Variants in KCNQ2 observed in about 807,000 individuals in gnomAD.
The protein encoded by KCNQ2 is potassium voltage-gated channel subfamily Q member 2.
In KCNQ2, 14 loss-of-function variants were observed where a neutral mutation model predicts 84.8. The ratio of observed to expected loss-of-function variants is 0.17; its 90% CI spans 0.11 to 0.26. The LOEUF is 0.26. KCNQ2 is among the 10% of genes least tolerant of loss of function. The probability of loss-of-function intolerance (pLI) is 1.00; values close to 1 mark genes in which losing one functional copy is unlikely to be tolerated. For missense variants in KCNQ2, 788 were observed against 1,254.0 expected, an observed-to-expected ratio of 0.63 and a Z score of 5.61; for synonymous variants, 599 against 554.1, an observed-to-expected ratio of 1.08 and a Z score of -1.14.
Position 63,406,365 on chromosome 20 carries a change from CG to C in KCNQ2, c.*278del. 2.3e-6 allele frequency: 1 copy of C among 442,854 alleles called. No individual in the cohort carries two copies. Among genetic ancestry groups the C allele is most frequent in the Non-Finnish European group, 4.1e-6 (1 of 245,530 alleles). 27.4% of individuals were successfully genotyped at this position (442,854 alleles called of 1,614,324 possible). A position where few individuals can be genotyped will look rare whatever the true frequency, so the allele number is the denominator to read the frequency against. On this transcript the variant is annotated 3_prime_UTR_variant, in exon 17 of 17. Transcript: ENST00000359125. ...CCTCACACCGGGCTGATGTCGGCCG[CG>C]GCCCTGAGCAGAGTGGACAGGGCAG...
rs372432541 is a variant in KCNQ2, at chr20:63,400,704, C to T, written c.*5940G>A. The T allele has an allele frequency of 6.3e-5, 25 of 398,510 alleles. No homozygotes were observed. Among genetic ancestry groups the T allele is most frequent in the African/African-American group, 4.1e-4 (20 of 48,736 alleles). 24.7% of individuals were successfully genotyped at this position (398,510 alleles called of 1,614,324 possible). ...TGGCAGACTGCAATGGCGTGGGGCG[C>T]GGGCATGGCGGGCACACGTGGGCCG... On this transcript the variant is annotated 3_prime_UTR_variant, in exon 17 of 17. Transcript: ENST00000359125. This position sits in a 1 kb window ranked among gnomAD's most constrained non-coding sequence, Gnocchi z 8.7.
chr20:63,464,296 C>T (rs1040098463), intron 1 of KCNQ2, among the ~76,000 whole-genome samples: 7 of 152,110 alleles, frequency 4.6e-5, no homozygotes, highest in African/African-American at 1.4e-4. Context: ...GCTGGCCTCT[C>T]CACTCAAGCC....
At chr20:63,442,677 CCACCA>C in intron 4 of KCNQ2, 146 bp from the exon 5 acceptor site, 1 of 480,912 alleles carries the variant, frequency 2.1e-6, no homozygotes, top group Non-Finnish European at 3.6e-6. Context: ...ACCACCACCA[CCACCA>C]CCATCACCAT....
intron 10 of KCNQ2, 186 bp from the exon 11 acceptor site, chr20:63,424,392 C>A: frequency 1.5e-6 from 1 of 649,298 alleles, no homozygotes; most frequent in East Asian, 2.7e-5. Flanking sequence ...GGAACGGGCA[C>A]CCCAGGGCCC....
At chr20:63,417,870 G>A (rs1158959171) in intron 12 of KCNQ2, among the ~76,000 whole-genome samples, 1 of 152,198 alleles carries the variant, frequency 6.6e-6, no homozygotes, top group Non-Finnish European at 1.5e-5. Flanking sequence ...AGCCCCAGGG[G>A]CCGCCGGGAC....
chr20:63,443,424 T>TCAACAC, intron 4 of KCNQ2, among the ~76,000 whole-genome samples: 1 of 36,728 alleles, frequency 2.7e-5, no homozygotes, highest in East Asian at 6.7e-4. Flanking sequence ...ATCACCACCA[T>TCAACAC]CATCACCATC....
intron 1 of KCNQ2, among the ~76,000 whole-genome samples, chr20:63,470,348 C>A (rs959961361): frequency 6.6e-6 from 1 of 152,204 alleles, no homozygotes; most frequent in East Asian, 1.9e-4. Context: ...CTGAAGCCCC[C>A]GCATGCTGCT....
Position 63,406,807 on chromosome 20 carries a change from C to T in KCNQ2, c.2456G>A (p.Ser819Asn). The change falls in exon 17 of 17, where the codon AGC becomes AAC. Residue 819 changes from serine (S) to asparagine (N), a missense_variant. Coordinates refer to ENST00000359125, the MANE Select transcript of KCNQ2 (RefSeq NM_172107.4). ...ACAAGGCGCCACGGCCGCGTAGCAG[C>T]TGTTGAGAGCATCCAGGTTCTCCTT... Reference protein sequence around the residue: ...QSKENLDALNSCYAAVAPCAK... With the variant: ...QSKENLDALNNCYAAVAPCAK... The T allele has an allele frequency of 3.7e-6, 6 of 1,612,646 alleles. No homozygotes were observed. The highest frequency in any genetic ancestry group is 5.1e-6 in the Non-Finnish European group (6 of 1,179,862).
At position 63,404,102 on chromosome 20, in the gene KCNQ2, G is replaced by A. The variant is rs1300265314; in HGVS notation, c.*2542C>T. 6.6e-6 allele frequency: 1 copy of A among 152,380 alleles called. No individual in the cohort carries two copies. The highest frequency in any genetic ancestry group is 2.4e-5 in the African/African-American group (1 of 41,470). 9.4% of individuals were successfully genotyped at this position (152,380 alleles called of 1,614,324 possible). A position where few individuals can be genotyped will look rare whatever the true frequency, so the allele number is the denominator to read the frequency against. ...ACCACACGTTCCTTGCTGGACATGAGTCTGGCCTCAGTCCCTCCTGCTGGG... is the reference window on the plus strand; with the variant it reads ...ACCACACGTTCCTTGCTGGACATGAATCTGGCCTCAGTCCCTCCTGCTGGG... On this transcript the variant is annotated 3_prime_UTR_variant, in exon 17 of 17. Transcript: ENST00000359125.
intron 15 of KCNQ2, chr20:63,411,834 C>T: frequency 1.4e-6 from 1 of 700,508 alleles, no homozygotes; most frequent in Non-Finnish European, 2.6e-6. Context: ...TGGGGTACTT[C>T]TTGTGCCGGG....
At chr20:63,451,510 T>C (rs2081615372) in intron 1 of KCNQ2, among the ~76,000 whole-genome samples, 1 of 152,114 alleles carries the variant, frequency 6.6e-6, no homozygotes, top group African/African-American at 2.4e-5. Flanking sequence ...GCTTTTGTGA[T>C]TGAAACAGCA....
rs772325502 is a variant in KCNQ2 at position 63,439,716 on chromosome 20, A to C, written c.817-8T>G. ...AATGGTGGTCAGCGTGATCTGTGGG[A>C]CCGCAGGCTCTAGTCACACGAAGGG... On this transcript the variant is annotated splice_region_variant and splice_polypyrimidine_tract_variant and intron_variant, in intron 5 of 16. Coordinates refer to ENST00000359125, the MANE Select transcript of KCNQ2 (RefSeq NM_172107.4). The C allele has an allele frequency of 6.2e-7, 1 of 1,604,094 alleles. No homozygotes were observed. The highest frequency in any genetic ancestry group is 2.2e-5 in the East Asian group (1 of 44,798).
chr20:63,433,828 C>T lies in KCNQ2; in HGVS notation c.1099G>A (p.Val367Ile), dbSNP rs149523683. The T allele has an allele frequency of 1.2e-6, 2 of 1,613,852 alleles. No homozygotes were observed. Among genetic ancestry groups the T allele is most frequent in the African/African-American group, 2.7e-5 (2 of 74,948 alleles). ...CGGTACCTGTACATGGGCACGGTGA[C>T]CGTTCGCTCGTAGTACTGCCACGTG... is the stretch of plus-strand genomic sequence containing the variant. Reference protein sequence around the residue: ...HSTWQYYERTVTVPMYSSQTQ... With the variant: ...HSTWQYYERTITVPMYSSQTQ... Residue 367 changes from valine (V) to isoleucine (I), a missense_variant, in exon 8 of 17, where the codon GTC becomes ATC. Around this residue, in one of 8 missense-constraint regions of KCNQ2, gnomAD observed 16 missense variants for 38.7 expected, o/e 0.41. Transcript: ENST00000359125.
intron 1 of KCNQ2, among the ~76,000 whole-genome samples, chr20:63,453,306 G>A (rs969491662): frequency 2.0e-5 from 3 of 152,242 alleles, no homozygotes; most frequent in African/African-American, 7.2e-5. Context: ...CCAGGACCCC[G>A]AAGCTCCCGG....
chr20:63,462,382 A>C (rs1296706175), intron 1 of KCNQ2, among the ~76,000 whole-genome samples: 4 of 149,818 alleles, frequency 2.7e-5, no homozygotes, highest in Admixed American at 6.6e-5. Context: ...CACCTACCCC[A>C]GGCAGCAGGG....
intron 4 of KCNQ2, among the ~76,000 whole-genome samples, chr20:63,443,031 C>T (rs2081266433): frequency 2.8e-5 from 2 of 70,400 alleles, no homozygotes; most frequent in Non-Finnish European, 5.9e-5. Context: ...ACCATCACAT[C>T]ACCACCACCA....
intron 1 of KCNQ2, among the ~76,000 whole-genome samples, chr20:63,469,542 G>C (rs570016176): frequency 1.2e-3 from 190 of 152,384 alleles, no homozygotes; most frequent in African/African-American, 4.5e-3. Flanking sequence ...CTCTACCCCA[G>C]ACAGTGGCTA....
intron 7 of KCNQ2, among the ~76,000 whole-genome samples, chr20:63,437,567 C>T (rs563180894): frequency 6.6e-6 from 1 of 152,380 alleles, no homozygotes; most frequent in East Asian, 1.9e-4. Context: ...TGTGGTCACA[C>T]TGCTTTCCCC....
At chr20:63,455,252 G>A (rs1353962974) in intron 1 of KCNQ2, among the ~76,000 whole-genome samples, 1 of 152,180 alleles carries the variant, frequency 6.6e-6, no homozygotes, top group African/African-American at 2.4e-5. Context: ...TTCAACTTCC[G>A]GAGCTTCCCT....
Sources: gnomAD v4.1 joint callset for allele counts (sites outside exome capture counted in the v4.1 genomes callset) on GRCh38, gnomAD v4.1.1 for gene constraint, gnomAD v4.1.1 regional missense constraint, Gnocchi (gnomAD v3.1) non-coding constraint, MANE v1.5 for transcripts, NCBI Gene and HGNC (gene_info 2026-07-23, HGNC 2026-07-21) for gene names.